JMJD1C: variants seen among roughly 807,000 people sequenced by gnomAD.
JMJD1C encodes the protein jumonji domain-containing protein 1C.
In JMJD1C, 31 loss-of-function variants were observed where a neutral mutation model predicts 245.3. The observed-to-expected ratio is 0.13, with a 90% CI of 0.09 to 0.17. JMJD1C has a LOEUF of 0.17. JMJD1C is among the 10% of genes least tolerant of loss of function. The probability of loss-of-function intolerance (pLI) is 1.00; values close to 1 mark genes in which losing one functional copy is unlikely to be tolerated. For synonymous variants in JMJD1C, 1,057 were observed against 1,017.4 expected, an observed-to-expected ratio of 1.04 and a Z score of -0.74; for missense variants, 2,691 against 3,000.2, an observed-to-expected ratio of 0.90 and a Z score of 2.41.
At chr10:63,269,222 A>T (rs1381889278) in intron 2 of JMJD1C, 31 of 985,282 alleles carry the variant, frequency 3.1e-5, no homozygotes, top group Non-Finnish European at 3.7e-5. Flanking sequence ...AATGAGAACG[A>T]GTACTTGGCT....
chr10:63,379,562 ATC>A (rs1947045895), intron 2 of JMJD1C, among the ~76,000 whole-genome samples: 1 of 152,218 alleles, frequency 6.6e-6, no homozygotes, highest in Admixed American at 6.5e-5. Flanking sequence ...CACATTAAAC[ATC>A]TATCACCCAC....
chr10:63,301,723 C>G (rs1247871371), intron 2 of JMJD1C: 1 of 450,298 alleles, frequency 2.2e-6, no homozygotes, highest in Admixed American at 2.4e-5. Context: ...GGATTAAAAC[C>G]TTGATGACGC....
intron 1 of JMJD1C, among the ~76,000 whole-genome samples, chr10:63,518,407 T>C (rs1409632101): frequency 8.5e-5 from 13 of 152,158 alleles, no homozygotes; most frequent in African/African-American, 3.1e-4. Context: ...AAAAGAGACA[T>C]GAAAATGATT....
At position 63,305,540 on chromosome 10, in the gene JMJD1C, G is replaced by A. The variant is rs573456245; in HGVS notation, c.334-40776C>T. ...CTCTCTCTCTCTCTCTGGAGGCAAGGTTTGTCAGCCTCGACTTCCCAGGCT... is the reference window on the plus strand; with the variant it reads ...CTCTCTCTCTCTCTCTGGAGGCAAGATTTGTCAGCCTCGACTTCCCAGGCT... On this transcript the variant is annotated intron_variant, in intron 2 of 25. Coordinates refer to ENST00000399262, the MANE Select transcript of JMJD1C (RefSeq NM_032776.3). Among the ~76,000 whole-genome samples, 59 of 135,824 alleles carry A rather than the reference G, an allele frequency of 4.3e-4. 1 individual carries two copies. The highest frequency in any genetic ancestry group is 1.6e-3 in the African/African-American group (58 of 36,194). The allele number at this position is 135,824 out of a possible 152,430, so 89.1% of individuals were successfully genotyped here.
chr10:63,427,607 G>T, intron 1 of JMJD1C: 1 of 1,399,068 alleles, frequency 7.1e-7, no homozygotes, highest in Non-Finnish European at 1.0e-6. Context: ...AACCATGCCC[G>T]GCTGATGGTG....
intron 1 of JMJD1C, among the ~76,000 whole-genome samples, chr10:63,423,812 C>T (rs1483364752): frequency 1.3e-5 from 2 of 152,138 alleles, no homozygotes; most frequent in Non-Finnish European, 2.9e-5. Context: ...TTGATGTTTT[C>T]CAGGTTTTGT....
chr10:63,382,635 A>G (rs1947304279), intron 1 of JMJD1C, among the ~76,000 whole-genome samples: 1 of 152,378 alleles, frequency 6.6e-6, no homozygotes, highest in African/African-American at 2.4e-5. Flanking sequence ...GATGGGAACA[A>G]GACAAGGATG....
At chr10:63,226,714 C>CAAAAA (rs35375607) in intron 3 of JMJD1C, among the ~76,000 whole-genome samples, 16 of 84,922 alleles carry the variant, frequency 1.9e-4, no homozygotes, top group Non-Finnish European at 2.9e-4. Context: ...AACCCTGTTT[C>CAAAAA]AAAAAAAAAA....
intron 1 of JMJD1C, among the ~76,000 whole-genome samples, chr10:63,498,050 G>C (rs189952729): frequency 4.0e-4 from 61 of 152,276 alleles, no homozygotes; most frequent in Non-Finnish European, 6.8e-4. Context: ...ACCTATCAAA[G>C]AGTGATACGG....
chr10:63,417,641 T>G (rs949658815), intron 1 of JMJD1C, among the ~76,000 whole-genome samples: 1 of 152,180 alleles, frequency 6.6e-6, no homozygotes, highest in Non-Finnish European at 1.5e-5. Flanking sequence ...ATGGTGAAAC[T>G]GACTAGGAAA....
At chr10:63,472,447 T>G (rs554831612) in intron 1 of JMJD1C, among the ~76,000 whole-genome samples, 2 of 152,296 alleles carry the variant, frequency 1.3e-5, no homozygotes, top group African/African-American at 2.4e-5. Context: ...TTCTCGTGCC[T>G]CAGTCTCCCA....
At chr10:63,456,955 C>G (rs1952453244) in intron 1 of JMJD1C, among the ~76,000 whole-genome samples, 2 of 152,122 alleles carry the variant, frequency 1.3e-5, no homozygotes, top group African/African-American at 4.8e-5. Context: ...CAAAATACTA[C>G]TAAGACATTA....
intron 1 of JMJD1C, among the ~76,000 whole-genome samples, chr10:63,433,252 A>G (rs1365919050): frequency 6.6e-6 from 1 of 151,994 alleles, no homozygotes; most frequent in East Asian, 1.9e-4. Context: ...AAGCGCTACC[A>G]TGCCCGGCTA....
chr10:63,312,289 G>A (rs917695341), intron 2 of JMJD1C, among the ~76,000 whole-genome samples: 1 of 151,768 alleles, frequency 6.6e-6, no homozygotes, highest in Non-Finnish European at 1.5e-5. Context: ...TGTATTTTTA[G>A]TAGAGACAGG....
intron 1 of JMJD1C, among the ~76,000 whole-genome samples, chr10:63,475,395 G>A (rs1953629117): frequency 6.6e-6 from 1 of 152,170 alleles, no homozygotes; most frequent in Non-Finnish European, 1.5e-5. Context: ...CTAATTCCAT[G>A]AAAATAGTTA....
In JMJD1C at chr10:63,394,913, TA is replaced by T. The variant is rs1169599339; in HGVS notation, c.169-14432del. Among the ~76,000 whole-genome samples the T allele has an allele frequency of 2.7e-5, 4 of 150,812 alleles. No individual in the cohort carries two copies. The East Asian group carries it at 5.8e-4, about 22-fold the overall frequency. On this transcript the variant is annotated intron_variant, in intron 1 of 25. Transcript: ENST00000399262. ...CGTTTTACTCTGTGAAAATCAATGT[TA>T]AAAAAAATGAAAACAAGCCACAGAC...
At chr10:63,321,738 ATACTT>A (rs763550390) in intron 2 of JMJD1C, among the ~76,000 whole-genome samples, 32 of 152,228 alleles carry the variant, frequency 2.1e-4, no homozygotes, top group Non-Finnish European at 4.3e-4. Context: ...CAAAGGTCTG[ATACTT>A]TACAAGTGTA....
intron 11 of JMJD1C, 49 bp from the exon 12 acceptor site, chr10:63,198,776 A>T (rs1489721287): frequency 1.9e-6 from 2 of 1,080,888 alleles, no homozygotes; most frequent in Non-Finnish European, 2.7e-6. Flanking sequence ...ATTAAAACAT[A>T]AGTCCAGTCT....
intron 1 of JMJD1C, among the ~76,000 whole-genome samples, chr10:63,436,055 T>G (rs867693565): frequency 6.6e-6 from 1 of 152,206 alleles, no homozygotes; most frequent in African/African-American, 2.4e-5. Flanking sequence ...CAACAGTGCA[T>G]TGGAAGGCAT....
Sources: allele counts gnomAD v4.1 joint callset (sites outside exome capture counted in the v4.1 genomes callset), GRCh38; gene constraint gnomAD v4.1.1; transcripts MANE v1.5; gene names NCBI Gene and HGNC (gene_info 2026-07-23, HGNC 2026-07-21).